Variants in CDH12 observed in about 807,000 individuals in gnomAD.
CDH12 encodes cadherin 12.
A neutral mutation model predicts 74.1 loss-of-function variants in CDH12; 41 were observed. That is an observed-to-expected ratio of 0.55 (90% CI 0.43 to 0.72). The LOEUF is 0.72. CDH12 is among the 30% of genes least tolerant of loss of function. The pLI, the probability that CDH12 is intolerant of heterozygous loss-of-function variation, is 0.00. For synonymous variants in CDH12, 399 were observed against 355.0 expected (o/e 1.12, Z -1.39); for missense variants, 945 against 977.2 (o/e 0.97, Z 0.44).
intron 2 of CDH12, among the ~76,000 whole-genome samples, chr5:22,458,742 T>C (rs1745389227): frequency 6.6e-6 from 1 of 152,208 alleles, no homozygotes; most frequent in African/African-American, 2.4e-5. Context: ...CTCTATGAAC[T>C]CAAATTACAA....
intron 2 of CDH12, among the ~76,000 whole-genome samples, chr5:22,449,067 T>C (rs1397385421): frequency 2.0e-5 from 3 of 151,308 alleles, no homozygotes; most frequent in Admixed American, 1.3e-4. Flanking sequence ...CTCATATATA[T>C]ATATATATAA....
intron 3 of CDH12, among the ~76,000 whole-genome samples, chr5:22,361,299 G>C (rs1580564342): frequency 6.6e-6 from 1 of 152,138 alleles, no homozygotes; most frequent in African/African-American, 2.4e-5. Context: ...GACAAACAGA[G>C]AGCCAAATCA....
intron 3 of CDH12, among the ~76,000 whole-genome samples, chr5:22,268,765 G>T (rs776871482): frequency 6.6e-6 from 1 of 151,972 alleles, no homozygotes; most frequent in Non-Finnish European, 1.5e-5. Context: ...AAATTAGCTA[G>T]GTTTTTATTT....
chr5:22,190,371 T>C (rs1277638982), intron 4 of CDH12, among the ~76,000 whole-genome samples: 1 of 136,436 alleles, frequency 7.3e-6, no homozygotes, highest in East Asian at 1.9e-4. Context: ...TATCTATCTA[T>C]CTATCTATCT....
intron 9 of CDH12, among the ~76,000 whole-genome samples, chr5:21,816,312 T>C (rs1485427714): frequency 1.3e-5 from 2 of 152,042 alleles, no homozygotes; most frequent in Non-Finnish European, 2.9e-5. Flanking sequence ...TTCTCCTCTC[T>C]AGCTTACTTT....
At chr5:21,933,350 C>T (rs1463517136) in intron 6 of CDH12, among the ~76,000 whole-genome samples, 1 of 151,996 alleles carries the variant, frequency 6.6e-6, no homozygotes, top group East Asian at 1.9e-4. Flanking sequence ...AGTGAAAATG[C>T]CATTGGGCCT....
At chr5:22,474,108 G>A (rs1746072986) in intron 2 of CDH12, among the ~76,000 whole-genome samples, 1 of 152,200 alleles carries the variant, frequency 6.6e-6, no homozygotes, top group African/African-American at 2.4e-5. Context: ...GAGTCACAAG[G>A]TATGATGTGA....
intron 1 of CDH12, among the ~76,000 whole-genome samples, chr5:22,623,705 G>A (rs1738110556): frequency 6.6e-6 from 1 of 152,010 alleles, no homozygotes; most frequent in Non-Finnish European, 1.5e-5. Flanking sequence ...CTCATAAATA[G>A]GAAGAATCAA....
chr5:21,943,091 C>T (rs899942760), intron 6 of CDH12, among the ~76,000 whole-genome samples: 49 of 152,134 alleles, frequency 3.2e-4, no homozygotes, highest in Non-Finnish European at 5.0e-4. Flanking sequence ...TCTCTCTCCC[C>T]TGCTGCCATG....
At chr5:22,211,420 C>T (rs1751534011) in intron 4 of CDH12, among the ~76,000 whole-genome samples, 1 of 151,998 alleles carries the variant, frequency 6.6e-6, no homozygotes. Context: ...TGCTATTCTT[C>T]AGTATTTAGC....
At position 21,856,433 on chromosome 5, in the gene CDH12, T is replaced by G. The variant is rs529949371; in HGVS notation, c.527-1643A>C. On this transcript the variant is annotated intron_variant, in intron 6 of 14. Transcript: ENST00000382254. ...TTGAAAAACTATAAATTGTTCTACA[T>G]GTTGGGTATATTTGAGGAAAATGAA... Among the ~76,000 whole-genome samples the G allele has an allele frequency of 1.3e-5, 2 of 151,908 alleles. 1 individual carries two copies. Among genetic ancestry groups the G allele is most frequent in the East Asian group, 3.9e-4 (2 of 5,162 alleles).
chr5:22,772,646 T>A (rs963835541), intron 1 of CDH12, among the ~76,000 whole-genome samples: 1 of 152,106 alleles, frequency 6.6e-6, no homozygotes, highest in African/African-American at 2.4e-5. Flanking sequence ...TAAGCTAAAT[T>A]TAAACTTAAC....
intron 3 of CDH12, among the ~76,000 whole-genome samples, chr5:22,289,676 A>T (rs1737298657): frequency 1.3e-5 from 2 of 152,156 alleles, no homozygotes; most frequent in African/African-American, 2.4e-5. Flanking sequence ...GAAGGAAGGT[A>T]GGAAGAATAT....
intron 6 of CDH12, among the ~76,000 whole-genome samples, chr5:21,880,617 T>TTCTTTCTC (rs1752260865): frequency 3.7e-5 from 2 of 53,936 alleles, no homozygotes; most frequent in African/African-American, 1.7e-4. Flanking sequence ...CCTTCCTTCC[T>TTCTTTCTC]TCTTTCTTTC....
chr5:22,166,346 T>C (rs1298595565), intron 4 of CDH12, among the ~76,000 whole-genome samples: 2 of 152,194 alleles, frequency 1.3e-5, no homozygotes, highest in South Asian at 2.1e-4. Flanking sequence ...GGGAATTATA[T>C]AGCTGTTCAT....
chr5:22,086,367 C>T lies in CDH12; in HGVS notation c.-186-7505G>A, dbSNP rs188625945. On this transcript the variant is annotated intron_variant, in intron 4 of 14. Transcript: ENST00000382254. ...TATTTTTTATTATTATTTTTTGAGA[C>T]GGAGTCTCACTCTGTCACCCGGGCT... Among the ~76,000 whole-genome samples, 307 of 151,782 alleles carry T rather than the reference C, an allele frequency of 2.0e-3. 4 individuals carry two copies. Among genetic ancestry groups the T allele is most frequent in the African/African-American group, 6.7e-3 (279 of 41,428 alleles).
chr5:22,118,681 T>C (rs1438788957), intron 4 of CDH12, among the ~76,000 whole-genome samples: 1 of 152,132 alleles, frequency 6.6e-6, no homozygotes, highest in Non-Finnish European at 1.5e-5. Flanking sequence ...GAGTCTTCAC[T>C]ATTACACTTC....
chr5:22,467,458 C>G (rs1159739879), intron 2 of CDH12, among the ~76,000 whole-genome samples: 1 of 152,168 alleles, frequency 6.6e-6, no homozygotes, highest in Non-Finnish European at 1.5e-5. Flanking sequence ...TCCTGTCACT[C>G]TCTGTCTGCA....
At chr5:22,167,990 A>G (rs1245441040) in intron 4 of CDH12, among the ~76,000 whole-genome samples, 1 of 152,020 alleles carries the variant, frequency 6.6e-6, no homozygotes, top group East Asian at 1.9e-4. Context: ...TTTCCTCTCA[A>G]TACGTGTAAC....
Sources: gnomAD v4.1 joint callset for allele counts (sites outside exome capture counted in the v4.1 genomes callset) on GRCh38, gnomAD v4.1.1 for gene constraint, MANE v1.5 for transcripts, NCBI Gene and HGNC (gene_info 2026-07-23, HGNC 2026-07-21) for gene names.